Variants in FABP12 observed in about 807,000 individuals in gnomAD.
FABP12 encodes fatty acid binding protein 12.
FABP12 carries 19 observed loss-of-function variants against 13.7 expected under a neutral mutation model. That is an observed-to-expected ratio of 1.39 (90% CI 0.97 to 2.04). The LOEUF is 2.04. Among genes scored for constraint, FABP12 ranks in the 30% most tolerant of loss-of-function variants. The pLI is 0.00. For missense variants in FABP12, 182 were observed against 164.2 expected (o/e 1.11, Z -0.59); for synonymous variants, 61 against 57.0 (o/e 1.07, Z -0.32).
At chr8:81,533,393 CCAAA>C (rs1278938758) in intron 1 of FABP12, 1 of 152,344 alleles carries the variant, frequency 6.6e-6, no homozygotes, top group Non-Finnish European at 1.5e-5. Flanking sequence ...TTCCTCTCCA[CCAAA>C]CATTCTTGTC....
chr8:81,534,084 C>A (rs550729099), upstream of FABP12, among the ~76,000 whole-genome samples: 1 of 152,166 alleles, frequency 6.6e-6, no homozygotes, highest in East Asian at 1.9e-4. Context: ...TGCTATGATG[C>A]TCACCCACAC....
chr8:81,531,941 A>G (rs1585836135), intron 1 of FABP12, among the ~76,000 whole-genome samples: 1 of 143,952 alleles, frequency 6.9e-6, no homozygotes, highest in East Asian at 1.9e-4. Flanking sequence ...TTACAAACAC[A>G]TGCACACACA....
intron 1 of FABP12, among the ~76,000 whole-genome samples, chr8:81,570,480 C>T (rs965687004): frequency 2.6e-5 from 4 of 152,154 alleles, no homozygotes; most frequent in African/African-American, 9.7e-5. Context: ...GTGGGCAGCT[C>T]CTCTTCGTTA....
chr8:81,580,227 G>A (rs1810134741), intron 1 of FABP12, among the ~76,000 whole-genome samples: 1 of 152,094 alleles, frequency 6.6e-6, no homozygotes, highest in Admixed American at 6.5e-5. Flanking sequence ...GATTTAACAT[G>A]TTTGTAAGTT....
chr8:81,579,244 G>A (rs1810115704), intron 1 of FABP12, among the ~76,000 whole-genome samples: 1 of 151,926 alleles, frequency 6.6e-6, no homozygotes, highest in Admixed American at 6.6e-5. Flanking sequence ...AAATTCTGAG[G>A]AAACAAATGT....
upstream of FABP12, among the ~76,000 whole-genome samples, chr8:81,534,126 CAT>C (rs1308168592): frequency 6.6e-6 from 1 of 152,086 alleles, no homozygotes; most frequent in Non-Finnish European, 1.5e-5. Flanking sequence ...CTCTCACACA[CAT>C]ACACACACAC....
Position 81,588,838 on chromosome 8 carries a change from C to A in FABP12, c.-185+1215G>T, listed in dbSNP as rs186100209. On this transcript the variant is annotated intron_variant, in intron 1 of 5. Coordinates refer to the FABP12 transcript ENST00000692030. ...GCTGGAAACACCACAGGAGGAGAAACAAAGAGGTGCAGTCATCAGATGAAA... is the reference window on the plus strand; with the variant it reads ...GCTGGAAACACCACAGGAGGAGAAAAAAAGAGGTGCAGTCATCAGATGAAA... Among the ~76,000 whole-genome samples, 12 of 152,282 alleles carry A rather than the reference C, an allele frequency of 7.9e-5. No homozygotes were observed. In the East Asian group the frequency reaches 1.9e-3, roughly 24 times the overall value.
chr8:81,567,116 A>G (rs1809835853), intron 1 of FABP12, among the ~76,000 whole-genome samples: 1 of 152,202 alleles, frequency 6.6e-6, no homozygotes, highest in African/African-American at 2.4e-5. Context: ...AAGATCTTCA[A>G]TGAAAACTAT....
At chr8:81,552,490 C>T (rs1291751380) in intron 1 of FABP12, among the ~76,000 whole-genome samples, 1 of 152,146 alleles carries the variant, frequency 6.6e-6, no homozygotes, top group Non-Finnish European at 1.5e-5. Context: ...AACATGTTCA[C>T]TCAGGCTACT....
chr8:81,529,075 C>T (rs186788563), intron 3 of FABP12, among the ~76,000 whole-genome samples: 3 of 152,196 alleles, frequency 2.0e-5, no homozygotes, highest in Non-Finnish European at 2.9e-5. Context: ...CCAGCTAATA[C>T]GAGGTTTATT....
chr8:81,541,298 A>G (rs1003172379), intron 1 of FABP12, among the ~76,000 whole-genome samples: 5 of 152,234 alleles, frequency 3.3e-5, no homozygotes, highest in African/African-American at 1.2e-4. Context: ...GATTTACTGA[A>G]TCAAAAACAT....
At chr8:81,525,141 G>C in intron 4 of FABP12, 21 bp from the exon 5 acceptor site, 1 of 1,449,626 alleles carries the variant, frequency 6.9e-7, no homozygotes, top group Non-Finnish European at 9.6e-7. Flanking sequence ...AAAGAAATAT[G>C]AGGTATTTCA....
chr8:81,528,889 A>G (rs1808981600), intron 3 of FABP12, among the ~76,000 whole-genome samples: 1 of 152,134 alleles, frequency 6.6e-6, no homozygotes, highest in African/African-American at 2.4e-5. Flanking sequence ...CTCTTTTGGC[A>G]TGGATCCCTG....
At chr8:81,560,418 G>A (rs1291094707) in intron 1 of FABP12, among the ~76,000 whole-genome samples, 1 of 152,122 alleles carries the variant, frequency 6.6e-6, no homozygotes, top group Non-Finnish European at 1.5e-5. Context: ...TATAGTCAAG[G>A]CATTTCTCAT....
At chr8:81,546,506 A>G (rs1251522772) in intron 1 of FABP12, among the ~76,000 whole-genome samples, 1 of 151,318 alleles carries the variant, frequency 6.6e-6, no homozygotes, top group Non-Finnish European at 1.5e-5. Flanking sequence ...ACAAAAAAAA[A>G]AAAAAAAGTA....
intron 1 of FABP12, among the ~76,000 whole-genome samples, chr8:81,581,696 GAGTT>G (rs373209397): frequency 1.5e-3 from 229 of 152,292 alleles, no homozygotes; most frequent in Non-Finnish European, 2.7e-3. Flanking sequence ...GAAAGAAAAA[GAGTT>G]AGCCACAGAT....
chr8:81,556,998 T>C (rs1427978901), intron 1 of FABP12, among the ~76,000 whole-genome samples: 2 of 150,508 alleles, frequency 1.3e-5, no homozygotes, highest in East Asian at 2.0e-4. Flanking sequence ...CCTCAGCCTC[T>C]TGGGTAGCTG....
intron 1 of FABP12, among the ~76,000 whole-genome samples, chr8:81,549,127 C>T (rs1209913420): frequency 6.6e-6 from 1 of 151,988 alleles, no homozygotes; most frequent in Non-Finnish European, 1.5e-5. Flanking sequence ...GTCTCCAGTG[C>T]CAGCTTCACC....
chr8:81,543,204 CTAAT>C (rs1809380667), intron 1 of FABP12, among the ~76,000 whole-genome samples: 1 of 152,162 alleles, frequency 6.6e-6, no homozygotes, highest in Non-Finnish European at 1.5e-5. Flanking sequence ...ACTTACGAAA[CTAAT>C]TAGCTTCAGG....
Sources: allele counts gnomAD v4.1 joint callset (sites outside exome capture counted in the v4.1 genomes callset), GRCh38; gene constraint gnomAD v4.1.1; transcripts MANE v1.5; gene names NCBI Gene and HGNC (gene_info 2026-07-23, HGNC 2026-07-21).